RAPGEF2: variants seen among roughly 807,000 people sequenced by gnomAD.
RAPGEF2 encodes the protein Rap guanine nucleotide exchange factor 2, also known as PDZ domain containing guanine nucleotide exchange factor (GEF) 1.
A neutral mutation model predicts 186.7 loss-of-function variants in RAPGEF2; 54 were observed. That is an observed-to-expected ratio of 0.29 (90% CI 0.23 to 0.36). The LOEUF is 0.36. Ranked by LOEUF, RAPGEF2 falls within the 10% of genes least tolerant of loss-of-function variation. The probability of loss-of-function intolerance (pLI) is 1.00; values close to 1 mark genes in which losing one functional copy is unlikely to be tolerated. For missense variants in RAPGEF2, 1,532 were observed against 2,045.0 expected (o/e 0.75, Z 4.84); for synonymous variants, 712 against 705.9 (o/e 1.01, Z -0.14).
intron 1 of RAPGEF2, among the ~76,000 whole-genome samples, chr4:159,144,888 T>TTTTTG (rs2111173454): frequency 1.9e-5 from 1 of 52,864 alleles, no homozygotes; most frequent in Non-Finnish European, 4.1e-5. Flanking sequence ...TGTTTTTTTT[T>TTTTTG]TTTTTTTTTT....
intron 4 of RAPGEF2, among the ~76,000 whole-genome samples, chr4:159,216,026 G>C (rs1750963616): frequency 6.6e-6 from 1 of 152,212 alleles, no homozygotes; most frequent in African/African-American, 2.4e-5. Context: ...TGTACTGGCA[G>C]TGGGAACTGC....
chr4:159,353,002 T>C lies in RAPGEF2; in HGVS notation c.4091+92T>C. 4 of 1,193,754 alleles carry C rather than the reference T, an allele frequency of 3.4e-6. No individual in the cohort carries two copies. Among genetic ancestry groups the C allele is most frequent in the Non-Finnish European group, 4.6e-6 (4 of 861,940 alleles). 73.9% of individuals were successfully genotyped at this position (1,193,754 alleles called of 1,614,324 possible). On this transcript the variant is annotated intron_variant, in intron 27 of 29. Coordinates refer to ENST00000691494, the MANE Select transcript of RAPGEF2 (RefSeq NM_001394067.2). This position sits in a 1 kb window ranked among gnomAD's most constrained non-coding sequence, Gnocchi z 4.3. ...TCTTCCAGTGTTTGTTTTTATTTAT[T>C]TTACATAATGCCTAAGAATTTTTCT...
At chr4:159,252,136 G>A (rs1755519637) in intron 7 of RAPGEF2, among the ~76,000 whole-genome samples, 1 of 152,242 alleles carries the variant, frequency 6.6e-6, no homozygotes, top group African/African-American at 2.4e-5. Flanking sequence ...CAATTCCGGA[G>A]ACACAACTCC....
At chr4:159,314,158 G>GTCT (rs1277357237) in intron 8 of RAPGEF2, among the ~76,000 whole-genome samples, 6 of 152,100 alleles carry the variant, frequency 3.9e-5, no homozygotes, top group Admixed American at 3.9e-4. Flanking sequence ...TTTTCCATAA[G>GTCT]GACTGTCTAA....
chr4:159,136,051 C>CATTAT (rs1741687062), intron 1 of RAPGEF2, among the ~76,000 whole-genome samples: 1 of 152,146 alleles, frequency 6.6e-6, no homozygotes, highest in Non-Finnish European at 1.5e-5. Flanking sequence ...TGAATCAATA[C>CATTAT]CATTAACTGC....
chr4:159,158,584 C>T (rs1273718908), intron 1 of RAPGEF2, among the ~76,000 whole-genome samples: 1 of 152,050 alleles, frequency 6.6e-6, no homozygotes, highest in African/African-American at 2.4e-5. Context: ...TAAATATTCT[C>T]TTTGTGGGCA....
At chr4:159,198,247 CCTTT>C (rs1420006349) in intron 3 of RAPGEF2, among the ~76,000 whole-genome samples, 4 of 115,404 alleles carry the variant, frequency 3.5e-5, no homozygotes, top group East Asian at 4.4e-4. Context: ...TTTCTTTCTT[CCTTT>C]CTTTCTTTCT....
intron 4 of RAPGEF2, among the ~76,000 whole-genome samples, chr4:159,234,284 C>T (rs1186245818): frequency 6.6e-6 from 1 of 152,134 alleles, no homozygotes; most frequent in African/African-American, 2.4e-5. Context: ...TTAAGTTACC[C>T]AAGTTCTTCC....
At chr4:159,169,577 C>T (rs572340296) in intron 1 of RAPGEF2, among the ~76,000 whole-genome samples, 3 of 152,046 alleles carry the variant, frequency 2.0e-5, no homozygotes, top group Admixed American at 6.6e-5. Context: ...CAACATCTCC[C>T]CAACAGCCCC....
At chr4:159,214,488 T>A (rs1290343399) in intron 4 of RAPGEF2, among the ~76,000 whole-genome samples, 1 of 152,212 alleles carries the variant, frequency 6.6e-6, no homozygotes, top group Non-Finnish European at 1.5e-5. Context: ...TAGGAAAACA[T>A]TGACAATTTT....
chr4:159,345,939 T>G (rs1368974388), intron 24 of RAPGEF2, among the ~76,000 whole-genome samples: 1 of 152,190 alleles, frequency 6.6e-6, no homozygotes, highest in African/African-American at 2.4e-5. Context: ...ATGGGCAGGT[T>G]TGAAGATGTC....
intron 11 of RAPGEF2, chr4:159,328,000 C>A (rs1766168989): frequency 6.6e-6 from 1 of 151,964 alleles, no homozygotes; most frequent in Admixed American, 6.6e-5. Flanking sequence ...TAGTACATTT[C>A]TCTTCATAAA....
rs567941364 is a variant in RAPGEF2 at position 159,186,329 on chromosome 4, A to G, written c.70-313A>G. Among the ~76,000 whole-genome samples the G allele has an allele frequency of 7.9e-5, 12 of 152,178 alleles. 1 individual carries two copies. The highest frequency in any genetic ancestry group is 1.3e-4 in the Admixed American group (2 of 15,288). Reference sequence around the variant, plus strand: ...TTGACAAATATACTGTGAAATTAAAACTTTGTACTTGCTATTTTGATGTAA... The same window carrying G: ...TTGACAAATATACTGTGAAATTAAAGCTTTGTACTTGCTATTTTGATGTAA... On this transcript the variant is annotated intron_variant, in intron 1 of 29. Coordinates refer to ENST00000691494, the MANE Select transcript of RAPGEF2 (RefSeq NM_001394067.2).
intron 3 of RAPGEF2, among the ~76,000 whole-genome samples, chr4:159,194,595 A>G (rs913624269): frequency 1.3e-5 from 2 of 152,242 alleles, no homozygotes; most frequent in African/African-American, 4.8e-5. Context: ...TCTCTAAAAG[A>G]TAGTGACTTT....
intron 8 of RAPGEF2, among the ~76,000 whole-genome samples, chr4:159,313,965 T>C (rs896358702): frequency 1.3e-5 from 2 of 152,218 alleles, no homozygotes; most frequent in Admixed American, 6.5e-5. Flanking sequence ...TCTTGATAAC[T>C]TGAAGTTTAG....
chr4:159,330,263 A>ATGTGTGTGTGTGTG (rs1278340762), intron 12 of RAPGEF2, 71 bp from the exon 13 acceptor site: 160 of 410,226 alleles, frequency 3.9e-4, no homozygotes, highest in African/African-American at 8.0e-4. Context: ...GTGTATATGT[A>ATGTGTGTGTGTGTG]TATGTGTGTG....
intron 1 of RAPGEF2, among the ~76,000 whole-genome samples, chr4:159,165,643 G>A (rs1274451683): frequency 6.6e-6 from 1 of 152,014 alleles, no homozygotes; most frequent in African/African-American, 2.4e-5. Flanking sequence ...TTTGAGAGAG[G>A]GTCTCAATCC....
chr4:159,173,101 T>C (rs532156273), intron 1 of RAPGEF2, among the ~76,000 whole-genome samples: 6 of 152,320 alleles, frequency 3.9e-5, no homozygotes, highest in African/African-American at 1.2e-4. Flanking sequence ...TCTTGAGAAA[T>C]AGAAAATTTG....
chr4:159,154,051 T>C (rs1743849629), intron 1 of RAPGEF2, among the ~76,000 whole-genome samples: 1 of 152,264 alleles, frequency 6.6e-6, no homozygotes, highest in South Asian at 2.1e-4. Context: ...GTTGATTAAC[T>C]TCTTTAGGCT....
Sources: gnomAD v4.1 joint callset for allele counts (sites outside exome capture counted in the v4.1 genomes callset) on GRCh38, gnomAD v4.1.1 for gene constraint, Gnocchi (gnomAD v3.1) non-coding constraint, MANE v1.5 for transcripts, NCBI Gene and HGNC (gene_info 2026-07-23, HGNC 2026-07-21) for gene names.